Variants in SNTG2 observed in about 807,000 individuals in gnomAD.
The protein encoded by SNTG2 is gamma-2-syntrophin.
SNTG2 carries 74 observed loss-of-function variants against 70.9 expected under a neutral mutation model. That is an observed-to-expected ratio of 1.04 (90% confidence interval 0.86 to 1.27). The LOEUF (loss-of-function observed/expected upper bound fraction) is 1.27. Ranked by LOEUF, SNTG2 falls within the 50% of genes most tolerant of loss-of-function variation. The pLI, the probability that SNTG2 is intolerant of heterozygous loss-of-function variation, is 0.00. For synonymous variants in SNTG2, 278 were observed against 273.8 expected (o/e 1.02, Z -0.15); for missense variants, 717 against 690.7 (o/e 1.04, Z -0.43).
chr2:1,120,140 C>A (rs1335832637), intron 4 of SNTG2, among the ~76,000 whole-genome samples: 1 of 152,080 alleles, frequency 6.6e-6, no homozygotes, highest in East Asian at 1.9e-4. Context: ...ATCATTCTTT[C>A]TCTATCAGTA....
chr2:1,183,991 T>C (rs1387459001), intron 8 of SNTG2, among the ~76,000 whole-genome samples: 1 of 152,174 alleles, frequency 6.6e-6, no homozygotes, highest in Non-Finnish European at 1.5e-5. Flanking sequence ...ATAAAATAGT[T>C]ATTGCTTGGC....
intron 8 of SNTG2, among the ~76,000 whole-genome samples, chr2:1,190,008 T>C (rs1359830204): frequency 6.6e-6 from 1 of 152,132 alleles, no homozygotes; most frequent in Admixed American, 6.5e-5. Flanking sequence ...CAGAATAATT[T>C]TATGATCTCG....
In SNTG2 at chr2:1,196,369, C is replaced by T. The variant is rs139778275; in HGVS notation, c.592-12734C>T. 8.6e-3 allele frequency among the ~76,000 whole-genome samples: 1,307 copies of T among 152,210 alleles called. 26 individuals carry two copies. The highest frequency in any genetic ancestry group is 0.03 in the African/African-American group (1,232 of 41,534). On this transcript the variant is annotated intron_variant, in intron 8 of 16. Transcript: ENST00000308624. ...AAAAGAATGAAGAAAACCTTTATGA[C>T]ATATGGGACACATTAAAATGATTAC...
In SNTG2 at chr2:1,170,225, T is replaced by C. The variant is rs148162435; in HGVS notation, c.500-2867T>C. On this transcript the variant is annotated intron_variant, in intron 7 of 16. Coordinates refer to ENST00000308624, the MANE Select transcript of SNTG2 (RefSeq NM_018968.4). ...TTCACAAGTCAGGCTCTTGGTCTTT[T>C]TATAAAGATACAATTCATGCAACAG... Among the ~76,000 whole-genome samples the C allele has an allele frequency of 9.1e-3, 1,390 of 152,368 alleles. 27 individuals are homozygous for C. Among genetic ancestry groups the C allele is most frequent in the African/African-American group, 0.032 (1,315 of 41,580 alleles).
intron 11 of SNTG2, among the ~76,000 whole-genome samples, chr2:1,242,013 T>G (rs1046634881): frequency 1.3e-5 from 2 of 152,320 alleles, no homozygotes; most frequent in Admixed American, 6.5e-5. Flanking sequence ...TTTACAACCT[T>G]AAAAGTCCTA....
At chr2:1,226,036 T>C (rs1310368712) in intron 9 of SNTG2, among the ~76,000 whole-genome samples, 2 of 151,988 alleles carry the variant, frequency 1.3e-5, no homozygotes, top group African/African-American at 4.8e-5. Context: ...GTGGATTATG[T>C]GATTAAATGA....
chr2:1,302,318 T>C (rs1452455422), intron 14 of SNTG2, among the ~76,000 whole-genome samples: 1 of 152,124 alleles, frequency 6.6e-6, no homozygotes, highest in Non-Finnish European at 1.5e-5. Context: ...TCTGATGTGA[T>C]TCTAAATGTA....
intron 8 of SNTG2, among the ~76,000 whole-genome samples, chr2:1,203,945 G>A (rs888308049): frequency 7.2e-5 from 11 of 152,096 alleles, no homozygotes; most frequent in Non-Finnish European, 1.3e-4. Flanking sequence ...TTTTCAACAG[G>A]TGAATGGATA....
At chr2:1,027,107 T>C (rs964991276) in intron 1 of SNTG2, among the ~76,000 whole-genome samples, 1 of 152,164 alleles carries the variant, frequency 6.6e-6, no homozygotes, top group Admixed American at 6.5e-5. Flanking sequence ...CATGTGCTTC[T>C]TGCACACCCT....
rs573149297 is a variant in SNTG2, at chr2:1,312,116, G to GA, written c.1377+3538dup. On this transcript the variant is annotated intron_variant, in intron 15 of 16. Transcript: ENST00000308624. ...CAATGTTGAGAAAGGAGGTAAGCAG[G>GA]AAAAAAAATGTGTTTGACCATGAAA... Among the ~76,000 whole-genome samples, 32 of 151,264 alleles carry GA rather than the reference G, an allele frequency of 2.1e-4. No homozygotes were observed. In the South Asian group the frequency reaches 5.2e-3, roughly 25 times the overall value.
At chr2:1,245,270 TAAA>T (rs888127862) in intron 11 of SNTG2, among the ~76,000 whole-genome samples, 1 of 143,344 alleles carries the variant, frequency 7.0e-6, no homozygotes, top group South Asian at 2.2e-4. Context: ...AGTATAATAA[TAAA>T]AAAAAAGGAA....
rs1402483135 is a variant in SNTG2, at chr2:1,155,619, G to A, written c.412-9929G>A. ...AACAATCTGGACGTCAGCCCTGGCC[G>A]TGGTGGTGGGTGCCAGTGAGAGAGA... On this transcript the variant is annotated intron_variant, in intron 6 of 16. Transcript: ENST00000308624. Among the ~76,000 whole-genome samples the A allele has an allele frequency of 5.9e-5, 9 of 152,202 alleles. No individual in the cohort carries two copies. The East Asian group carries it at 9.7e-4, about 16-fold the overall frequency.
chr2:1,335,609 A>C (rs1572997529), intron 16 of SNTG2, among the ~76,000 whole-genome samples: 1 of 152,286 alleles, frequency 6.6e-6, no homozygotes, highest in South Asian at 2.1e-4. Context: ...ATAAATTAAA[A>C]ATTAGACTGG....
At chr2:958,467 G>T (rs1311106976) in intron 1 of SNTG2, among the ~76,000 whole-genome samples, 8 of 152,088 alleles carry the variant, frequency 5.3e-5, no homozygotes, top group Admixed American at 6.5e-5. Context: ...CTCCAGATTT[G>T]GTGCTTCAAG....
intron 14 of SNTG2, among the ~76,000 whole-genome samples, chr2:1,290,352 T>C (rs1387969403): frequency 1.3e-5 from 2 of 150,380 alleles, no homozygotes; most frequent in South Asian, 2.1e-4. Context: ...TTTCACTCTC[T>C]CACCCAATCT....
At chr2:1,256,572 C>T (rs929343393) in intron 12 of SNTG2, 32 of 151,856 alleles carry the variant, frequency 2.1e-4, no homozygotes, top group Non-Finnish European at 3.4e-4. Context: ...AGCTATAACT[C>T]GTGAAATAAA....
intron 16 of SNTG2, among the ~76,000 whole-genome samples, chr2:1,347,841 C>A (rs995897659): frequency 2.0e-5 from 3 of 152,192 alleles, no homozygotes; most frequent in African/African-American, 7.2e-5. Context: ...GGCATTGTGC[C>A]CCTGCCCTGC....
chr2:1,168,947 G>A (rs1670938792), intron 7 of SNTG2, among the ~76,000 whole-genome samples: 2 of 152,180 alleles, frequency 1.3e-5, no homozygotes, highest in Non-Finnish European at 2.9e-5. Context: ...GCACAGTGGT[G>A]CACCCCTGGG....
intron 6 of SNTG2, among the ~76,000 whole-genome samples, chr2:1,154,920 ACAC>A (rs1298731379): frequency 2.0e-5 from 3 of 148,618 alleles, no homozygotes; most frequent in African/African-American, 7.5e-5. Flanking sequence ...CACACACACA[ACAC>A]AAAAACATAC....
Sources: gnomAD v4.1 joint callset for allele counts (sites outside exome capture counted in the v4.1 genomes callset) on GRCh38, gnomAD v4.1.1 for gene constraint, MANE v1.5 for transcripts, NCBI Gene and HGNC (gene_info 2026-07-23, HGNC 2026-07-21) for gene names.